The following SH3GL1 variants were observed in gnomAD, a reference collection of about 807,000 sequenced individuals.
The protein encoded by SH3GL1 is SH3 domain containing GRB2 like 1, endophilin A2.
SH3GL1 carries 21 observed loss-of-function variants against 48.8 expected under a neutral mutation model. The observed-to-expected ratio is 0.43, with a 90% CI of 0.30 to 0.62. The LOEUF is 0.62. SH3GL1 is among the 20% of genes least tolerant of loss of function. The pLI is 0.11. For missense variants in SH3GL1, 454 were observed against 503.0 expected, an observed-to-expected ratio of 0.90 and a Z score of 0.93; for synonymous variants, 282 against 217.5, an observed-to-expected ratio of 1.30 and a Z score of -2.61.
intron 1 of SH3GL1, among the ~76,000 whole-genome samples, chr19:4,391,848 TG>T (rs1973342761): frequency 1.3e-5 from 2 of 152,234 alleles, no homozygotes. Context: ...CTGCCTGTCC[TG>T]GGGTGGCCCA....
In SH3GL1 at chr19:4,367,032, G is replaced by T; in HGVS notation, c.46-38C>A. ...AGAGGGGAAACGCTGTGAGCCCAGG[G>T]GTAGGAGGAAGAAGAGGACAGGAGG... On this transcript the variant is annotated intron_variant, in intron 1 of 9. Coordinates refer to ENST00000269886, the MANE Select transcript of SH3GL1 (RefSeq NM_003025.4). The surrounding 1 kb of genome is among the most constrained non-coding windows in gnomAD (Gnocchi z 4.2). The T allele has an allele frequency of 1.3e-6, 2 of 1,597,450 alleles. No individual in the cohort carries two copies. Among genetic ancestry groups the T allele is most frequent in the Non-Finnish European group, 1.7e-6 (2 of 1,164,918 alleles).
chr19:4,399,055 T>A (rs951492360), intron 1 of SH3GL1, among the ~76,000 whole-genome samples: 5 of 152,150 alleles, frequency 3.3e-5, no homozygotes, highest in Admixed American at 1.3e-4. Flanking sequence ...GCAGGTGGCT[T>A]ACGTCGATAA....
At chr19:4,363,970 TCCTG>T in intron 5 of SH3GL1, 92 bp from the exon 6 acceptor site, 2 of 1,604,176 alleles carry the variant, frequency 1.2e-6, no homozygotes, top group Non-Finnish European at 1.7e-6. Context: ...CCACTGGGGA[TCCTG>T]CCTGCCTGAG....
At chr19:4,362,267 A>G in intron 9 of SH3GL1, 62 bp downstream of exon 9, 2 of 1,508,898 alleles carry the variant, frequency 1.3e-6, no homozygotes, top group Non-Finnish European at 1.8e-6. Context: ...GGGAGGAGAA[A>G]CACCCTCCCC....
At chr19:4,361,907 T>A in intron 9 of SH3GL1, 111 bp from the exon 10 acceptor site, 1 of 778,326 alleles carries the variant, frequency 1.3e-6, no homozygotes, top group Non-Finnish European at 2.1e-6. Context: ...GGGCCTCCCC[T>A]CTGCCCTGCC....
chr19:4,379,399 C>T (rs962801556), intron 1 of SH3GL1, among the ~76,000 whole-genome samples: 3 of 150,016 alleles, frequency 2.0e-5, no homozygotes, highest in African/African-American at 7.4e-5. Flanking sequence ...GCACTCCTGC[C>T]TGGGTGACAG....
chr19:4,369,396 C>A (rs548008109), intron 1 of SH3GL1, among the ~76,000 whole-genome samples: 1 of 152,254 alleles, frequency 6.6e-6, no homozygotes, highest in Non-Finnish European at 1.5e-5. Flanking sequence ...CTGAAGCCAG[C>A]GGGCTGCGAA....
intron 1 of SH3GL1, among the ~76,000 whole-genome samples, chr19:4,388,000 C>T (rs1460907959): frequency 6.6e-6 from 1 of 152,142 alleles, no homozygotes; most frequent in Non-Finnish European, 1.5e-5. Context: ...GCTGGGATTA[C>T]AGCCATGCGC....
chr19:4,396,968 C>G (rs1973437256), intron 1 of SH3GL1, among the ~76,000 whole-genome samples: 3 of 152,114 alleles, frequency 2.0e-5, no homozygotes, highest in Non-Finnish European at 4.4e-5. Flanking sequence ...CCAGCTGAGA[C>G]CTACTGGTAT....
chr19:4,380,520 A>T (rs973199064), intron 1 of SH3GL1, among the ~76,000 whole-genome samples: 2 of 152,264 alleles, frequency 1.3e-5, no homozygotes, highest in South Asian at 2.1e-4. Flanking sequence ...GCTTGGAAAC[A>T]TGCCCAGGAC....
chr19:4,365,998 C>A (rs527313282), intron 3 of SH3GL1, among the ~76,000 whole-genome samples: 3 of 152,310 alleles, frequency 2.0e-5, no homozygotes, highest in South Asian at 4.1e-4. Flanking sequence ...GTCCCTTCCG[C>A]TGCCCGCTTG....
At chr19:4,379,247 A>G (rs964639240) in intron 1 of SH3GL1, among the ~76,000 whole-genome samples, 1 of 151,590 alleles carries the variant, frequency 6.6e-6, no homozygotes, top group Non-Finnish European at 1.5e-5. Flanking sequence ...TGAGATTGGG[A>G]GTTCAAGACC....
intron 1 of SH3GL1, among the ~76,000 whole-genome samples, chr19:4,386,501 C>CTTT (rs960946256): frequency 7.6e-6 from 1 of 130,818 alleles, no homozygotes; most frequent in Admixed American, 7.6e-5. Context: ...TTCTTTTTCA[C>CTTT]TTTTTTTTTT....
rs1399732526 is a variant in SH3GL1 at position 4,389,257 on chromosome 19, A to T, written c.45+11067T>A. ...GTCCGATGGGAGGAGAGCACCTCAC[A>T]CGAACACCAGCGTGTGGCATCTGGG... On this transcript the variant is annotated intron_variant, in intron 1 of 9. Coordinates refer to ENST00000269886, the MANE Select transcript of SH3GL1 (RefSeq NM_003025.4). This position sits in a 1 kb window ranked among gnomAD's most constrained non-coding sequence, Gnocchi z 4.5. 6.6e-6 allele frequency among the ~76,000 whole-genome samples: 1 copy of T among 152,144 alleles called. No individual in the cohort carries two copies. The highest frequency in any genetic ancestry group is 2.4e-5 in the African/African-American group (1 of 41,444).
rs1273680121 is a variant in SH3GL1 at position 4,376,637 on chromosome 19, C to T, written c.46-9643G>A. 1.3e-5 allele frequency among the ~76,000 whole-genome samples: 2 copies of T among 151,988 alleles called. No homozygotes were observed. Among genetic ancestry groups the T allele is most frequent in the Non-Finnish European group, 2.9e-5 (2 of 67,978 alleles). ...TACACCCCCATCTGCCTGGGCGGCC[C>T]CCCCATCTCCCCTCAGAGCTTTTGC... On this transcript the variant is annotated intron_variant, in intron 1 of 9. Coordinates refer to ENST00000269886, the MANE Select transcript of SH3GL1 (RefSeq NM_003025.4). The surrounding 1 kb of genome is among the most constrained non-coding windows in gnomAD (Gnocchi z 4.3).
At chr19:4,390,124 T>C (rs1599619574) in intron 1 of SH3GL1, 1 of 152,126 alleles carries the variant, frequency 6.6e-6, no homozygotes, top group African/African-American at 2.4e-5. Context: ...CTGAGTCAGG[T>C]CCAATGGAGG....
At chr19:4,394,528 C>A (rs571812606) in intron 1 of SH3GL1, among the ~76,000 whole-genome samples, 13 of 152,154 alleles carry the variant, frequency 8.5e-5, no homozygotes, top group Non-Finnish European at 1.6e-4. Context: ...AGTAAAAACT[C>A]ACAAACTGCC....
At chr19:4,374,099 A>G (rs1433059205) in intron 1 of SH3GL1, among the ~76,000 whole-genome samples, 3 of 152,238 alleles carry the variant, frequency 2.0e-5, no homozygotes, top group Non-Finnish European at 2.9e-5. Context: ...GTCACAGCAC[A>G]TGAAAATGAG....
chr19:4,361,723 A>G lies in SH3GL1; in HGVS notation c.984T>C (p.His328=), dbSNP rs777435580. 3 of 1,613,268 alleles carry G rather than the reference A, an allele frequency of 1.9e-6. No homozygotes were observed. The highest frequency in any genetic ancestry group is 1.1e-5 in the South Asian group (1 of 91,090). The change falls in exon 10 of 10, where the codon CAT becomes CAC. Residue 328 remains histidine, a synonymous_variant. Coordinates refer to ENST00000269886, the MANE Select transcript of SH3GL1 (RefSeq NM_003025.4). ...EPENDGELGF[H]EGDVITLTNQ... ...TGGTCAGCGTGATGACGTCGCCCTC[A>G]TGGAAGCCCAGCTCCCCGTCGTTCT...
Sources: allele counts gnomAD v4.1 joint callset (sites outside exome capture counted in the v4.1 genomes callset), GRCh38; gene constraint gnomAD v4.1.1; non-coding constraint Gnocchi (gnomAD v3.1); transcripts MANE v1.5; gene names NCBI Gene and HGNC (gene_info 2026-07-23, HGNC 2026-07-21).